ZMAT5: variants seen among roughly 807,000 people sequenced by gnomAD.
The protein encoded by ZMAT5 is zinc finger matrin-type protein 5.
In ZMAT5, 23 loss-of-function variants were observed where a neutral mutation model predicts 28.0. The ratio of observed to expected loss-of-function variants is 0.82; its 90% CI spans 0.59 to 1.16. The LOEUF (loss-of-function observed/expected upper bound fraction) is 1.16, where lower values mean the gene tolerates loss of function less well. ZMAT5 is among the 50% of genes most tolerant of loss of function. ZMAT5 has a pLI of 0.00. For missense variants in ZMAT5, 173 were observed against 212.7 expected (o/e 0.81, Z 1.16); for synonymous variants, 76 against 84.1 (o/e 0.90, Z 0.52).
At chr22:29,734,637 T>C (rs2067886760) in intron 5 of ZMAT5, among the ~76,000 whole-genome samples, 1 of 151,936 alleles carries the variant, frequency 6.6e-6, no homozygotes, top group Admixed American at 6.6e-5. Context: ...AGGACAAGTC[T>C]GACTCTGCCA....
At chr22:29,735,081 G>A (rs1006908082) in intron 5 of ZMAT5, among the ~76,000 whole-genome samples, 6 of 152,158 alleles carry the variant, frequency 3.9e-5, no homozygotes, top group African/African-American at 1.4e-4. Context: ...CCTTGCGGGG[G>A]CTGGGGCTGG....
chr22:29,743,786 G>C (rs546915258), intron 2 of ZMAT5, among the ~76,000 whole-genome samples: 1 of 152,296 alleles, frequency 6.6e-6, no homozygotes, highest in South Asian at 2.1e-4. Context: ...TGATAGGCAA[G>C]CTATTAATCA....
chr22:29,743,649 C>G (rs1344945833), intron 2 of ZMAT5, among the ~76,000 whole-genome samples: 2 of 152,156 alleles, frequency 1.3e-5, no homozygotes, highest in Admixed American at 1.3e-4. Flanking sequence ...CCAGGCTGGT[C>G]TCGAACTCCT....
intron 1 of ZMAT5, among the ~76,000 whole-genome samples, chr22:29,762,630 T>A (rs1316893743): frequency 6.6e-6 from 1 of 152,250 alleles, no homozygotes; most frequent in Non-Finnish European, 1.5e-5. Context: ...CACCCCCAGA[T>A]GGGACCGTCT....
intron 1 of ZMAT5, among the ~76,000 whole-genome samples, chr22:29,749,643 T>A (rs1463079822): frequency 2.0e-5 from 3 of 152,352 alleles, no homozygotes; most frequent in East Asian, 3.9e-4. Flanking sequence ...TATCACCCTT[T>A]GATATGGTGA....
chr22:29,764,667 A>AT (rs2068190340), intron 1 of ZMAT5, among the ~76,000 whole-genome samples: 1 of 151,892 alleles, frequency 6.6e-6, no homozygotes, highest in South Asian at 2.1e-4. Flanking sequence ...CACCTGGCTA[A>AT]TTTTTTTGTA....
intron 5 of ZMAT5, among the ~76,000 whole-genome samples, chr22:29,734,574 G>A (rs917612707): frequency 2.0e-5 from 3 of 152,256 alleles, no homozygotes; most frequent in Non-Finnish European, 2.9e-5. Flanking sequence ...GTCTGCCCAG[G>A]CCATGCAGGA....
intron 1 of ZMAT5, among the ~76,000 whole-genome samples, chr22:29,752,008 T>C (rs981938713): frequency 6.6e-6 from 1 of 151,584 alleles, no homozygotes; most frequent in Non-Finnish European, 1.5e-5. Context: ...ATAATGACAA[T>C]TTTCCTTTAT....
intron 1 of ZMAT5, among the ~76,000 whole-genome samples, chr22:29,753,612 C>T (rs540844427): frequency 6.6e-6 from 1 of 152,258 alleles, no homozygotes; most frequent in African/African-American, 2.4e-5. Context: ...TCACTTGAAT[C>T]CAGGAGGCGA....
chr22:29,749,684 G>A (rs61399074), intron 1 of ZMAT5, among the ~76,000 whole-genome samples: 1 of 152,060 alleles, frequency 6.6e-6, no homozygotes, highest in African/African-American at 2.4e-5. Context: ...ATCTCATCTC[G>A]AATTGTAATC....
intron 1 of ZMAT5, among the ~76,000 whole-genome samples, chr22:29,749,418 G>A (rs989048211): frequency 2.0e-5 from 3 of 151,814 alleles, no homozygotes; most frequent in South Asian, 4.2e-4. Flanking sequence ...AGGCCACACC[G>A]GCCTCCCCTT....
At chr22:29,752,295 T>C (rs1195425171) in intron 1 of ZMAT5, among the ~76,000 whole-genome samples, 1 of 152,008 alleles carries the variant, frequency 6.6e-6, no homozygotes, top group East Asian at 1.9e-4. Flanking sequence ...AGCCACACTC[T>C]GACCCAAATG....
intron 5 of ZMAT5, among the ~76,000 whole-genome samples, chr22:29,732,739 CAA>C (rs131258): frequency 5.3e-3 from 374 of 70,304 alleles, no homozygotes; most frequent in African/African-American, 0.015. Flanking sequence ...GACTCCTTCT[CAA>C]AAAAAAAAAA....
At chr22:29,763,240 C>A (rs1487559739) in intron 1 of ZMAT5, among the ~76,000 whole-genome samples, 5 of 151,596 alleles carry the variant, frequency 3.3e-5, no homozygotes, top group Non-Finnish European at 7.4e-5. Context: ...TTGCAGTGAG[C>A]TGAGATTGCA....
At position 29,748,457 on chromosome 22, in the gene ZMAT5, G is replaced by T. The variant is rs750895862; in HGVS notation, c.88C>A (p.His30Asn). The change falls in exon 2 of 6, where the codon CAC (histidine) becomes AAC (asparagine). Residue 30 changes from histidine to asparagine, a missense_variant. Transcript: ENST00000344318. ...TACCAGACCTTCTTGGCCTTGAGGT[G>T]CTGCAGCCCGTTCAGGTGCTTCTTG... ...NRKKHLNGLQ[H>N]LKAKKVWYDM... 1 of 1,614,274 alleles carries T rather than the reference G, an allele frequency of 6.2e-7. No individual in the cohort carries two copies. Among genetic ancestry groups the T allele is most frequent in the Non-Finnish European group, 8.5e-7 (1 of 1,180,046 alleles).
In ZMAT5 at chr22:29,748,237, G is replaced by C. The variant is rs534823634; in HGVS notation, c.127+181C>G. The C allele has an allele frequency of 1.1e-5, 9 of 803,810 alleles. No homozygotes were observed. In the South Asian group the frequency reaches 1.4e-4, roughly 12 times the overall value. 49.8% of individuals were successfully genotyped at this position (803,810 alleles called of 1,614,324 possible). A position where few individuals can be genotyped will look rare whatever the true frequency, so the allele number is the denominator to read the frequency against. ...GTCCACAGAGCCTTCAGTCAGCGTTGTTGGGGAAAGAGCTCACCTACCAGC... is the reference window on the plus strand; with the variant it reads ...GTCCACAGAGCCTTCAGTCAGCGTTCTTGGGGAAAGAGCTCACCTACCAGC... On this transcript the variant is annotated intron_variant, in intron 2 of 5. Transcript: ENST00000344318.
At chr22:29,738,821 T>C (rs1166481938) in intron 4 of ZMAT5, among the ~76,000 whole-genome samples, 1 of 151,960 alleles carries the variant, frequency 6.6e-6, no homozygotes, top group East Asian at 1.9e-4. Flanking sequence ...CTGGCCAACA[T>C]GGAGAAACCC....
intron 5 of ZMAT5, among the ~76,000 whole-genome samples, chr22:29,737,941 C>T (rs116513287): frequency 0.011 from 1,724 of 152,186 alleles, 32 homozygotes; most frequent in African/African-American, 0.04. Context: ...GTCTGTGTGC[C>T]CTCGGGCAAG....
intron 1 of ZMAT5, among the ~76,000 whole-genome samples, chr22:29,764,104 T>C (rs1476254534): frequency 1.3e-5 from 2 of 151,464 alleles, no homozygotes; most frequent in Non-Finnish European, 2.9e-5. Context: ...TGTGCCACTG[T>C]ACTCCAGCCT....
Sources: allele counts gnomAD v4.1 joint callset (sites outside exome capture counted in the v4.1 genomes callset), GRCh38; gene constraint gnomAD v4.1.1; transcripts MANE v1.5; gene names NCBI Gene and HGNC (gene_info 2026-07-23, HGNC 2026-07-21).